The following BCAR1 variants were observed in gnomAD, a reference collection of about 807,000 sequenced individuals.
BCAR1 encodes breast cancer anti-estrogen resistance protein 1.
Under a neutral mutation model 67.6 loss-of-function variants are expected in BCAR1, and 30 were observed. The observed-to-expected ratio is 0.44, with a 90% confidence interval of 0.33 to 0.60. The LOEUF (loss-of-function observed/expected upper bound fraction) is 0.60, where lower values mean the gene tolerates loss of function less well. BCAR1 is among the 20% of genes least tolerant of loss of function. The probability of loss-of-function intolerance (pLI) is 0.02; values close to 1 mark genes in which losing one functional copy is unlikely to be tolerated. For missense variants in BCAR1, 1,313 were observed against 1,222.3 expected, an observed-to-expected ratio of 1.07 and a Z score of -1.11; for synonymous variants, 626 against 556.7, an observed-to-expected ratio of 1.12 and a Z score of -1.75.
rs777258321 is a variant in BCAR1 at position 75,235,779 on chromosome 16, C to T, written c.1120G>A (p.Val374Met). ...CCAGGCCGCCGCAAGCCAGGGGGCA[C>T]GTCGTAGAGGTCAGGAGCCGGGGGC... is the stretch of plus-strand genomic sequence containing the variant. ...VPPPAPDLYD[V>M]PPGLRRPGPG... Residue 374 changes from valine to methionine, a missense_variant, in exon 5 of 7, where the codon GTG becomes ATG. By Grantham distance (21) the Val-to-Met change is conservative. Coordinates refer to ENST00000162330, the MANE Select transcript of BCAR1 (RefSeq NM_014567.5). The T allele has an allele frequency of 9.4e-6, 15 of 1,592,424 alleles. No homozygotes were observed. The highest frequency in any genetic ancestry group is 2.2e-5 in the East Asian group (1 of 44,580).
chr16:75,236,483 G>C (rs1216071853), intron 4 of BCAR1: 2 of 340,748 alleles, frequency 5.9e-6, no homozygotes, highest in Non-Finnish European at 1.1e-5. Flanking sequence ...CTCTGCAGCA[G>C]GTGTGCGACT....
At chr16:75,255,943 A>G (rs964133490), upstream of BCAR1, among the ~76,000 whole-genome samples, 1 of 152,248 alleles carries the variant, frequency 6.6e-6, no homozygotes, top group Admixed American at 6.5e-5. Context: ...GTGAGCCAAG[A>G]TGGTGCCATT....
At position 75,229,411 on chromosome 16, in the gene BCAR1, G is replaced by A; in HGVS notation, c.*100C>T. 7.1e-7 allele frequency: 1 copy of A among 1,416,758 alleles called. No homozygotes were observed. The highest frequency in any genetic ancestry group is 2.8e-5 in the Admixed American group (1 of 36,086). The allele number at this position is 1,416,758 out of a possible 1,614,324, so 87.8% of individuals were successfully genotyped here. On this transcript the variant is annotated 3_prime_UTR_variant, in exon 7 of 7. Transcript: ENST00000162330. ...GCACCAGGACCGACGCAGAGCTGGGGTCCTGTCCCTAAGCCTGTGGCACAG... is the reference window on the plus strand; with the variant it reads ...GCACCAGGACCGACGCAGAGCTGGGATCCTGTCCCTAAGCCTGTGGCACAG...
At position 75,229,948 on chromosome 16, in the gene BCAR1, G is replaced by C. The variant is rs2076836459; in HGVS notation, c.2176C>G (p.Gln726Glu). 2 of 1,600,060 alleles carry C rather than the reference G, an allele frequency of 1.2e-6. No individual in the cohort carries two copies. Among genetic ancestry groups the C allele is most frequent in the Non-Finnish European group, 1.7e-6 (2 of 1,170,746 alleles). Residue 726 changes from glutamine to glutamate, a missense_variant, in exon 7 of 7, where the codon CAA becomes GAA. This residue lies in a region of BCAR1 where 1,272 missense variants were observed against 1,137.5 expected (regional missense o/e 1.12). Transcript: ENST00000162330. ...DHDLANWTPA[Q>E]PLAPGRTGGL... ...CCTGTTCGCCCCGGGGCCAGGGGTT[G>C]GGCTGGCGTCCAGTTGGCCAGGTCG...
At chr16:75,265,914 G>T in intron 1 of BCAR1, 1 of 1,110,646 alleles carries the variant, frequency 9.0e-7, no homozygotes, top group Non-Finnish European at 1.1e-6. Flanking sequence ...GCCGCTCAGA[G>T]GCCCCGCGAG....
intron 5 of BCAR1, 124 bp from the exon 6 acceptor site, chr16:75,234,059 ACGCACACGTGG>A (rs2151398839): frequency 1.2e-6 from 1 of 822,316 alleles, no homozygotes; most frequent in Non-Finnish European, 2.0e-6. Context: ...GCGCACACAC[ACGCACACGTGG>A]ACGCACACAC....
intron 1 of BCAR1, chr16:75,248,399 C>T: frequency 8.4e-7 from 1 of 1,185,856 alleles, no homozygotes; most frequent in Non-Finnish European, 1.1e-6. Context: ...TTGCTTGTCC[C>T]AAAGAGCCTC....
At chr16:75,243,702 G>A (rs142539597) in intron 1 of BCAR1, among the ~76,000 whole-genome samples, 2 of 152,348 alleles carry the variant, frequency 1.3e-5, no homozygotes, top group African/African-American at 2.4e-5. Context: ...CCCTTGCAGA[G>A]CCGGGTACGT....
Position 75,228,411 on chromosome 16 carries a change from T to TC in BCAR1, c.*1099dup, listed in dbSNP as rs1411895149. Reference sequence around the variant, plus strand: ...CAGGGCTGGGAGCAGCACCAGGGGTTCCAAGCACCCTGAAGCTTCCATCTG... The same window carrying TC: ...CAGGGCTGGGAGCAGCACCAGGGGTTCCCAAGCACCCTGAAGCTTCCATCTG... On this transcript the variant is annotated 3_prime_UTR_variant, in exon 7 of 7. Coordinates refer to ENST00000162330, the MANE Select transcript of BCAR1 (RefSeq NM_014567.5). 6.6e-6 allele frequency: 1 copy of TC among 152,226 alleles called. No homozygotes were observed. The highest frequency in any genetic ancestry group is 2.4e-5 in the African/African-American group (1 of 41,418). The allele number at this position is 152,226 out of a possible 1,614,324, so 9.4% of individuals were successfully genotyped here.
intron 6 of BCAR1, among the ~76,000 whole-genome samples, chr16:75,231,545 T>A (rs959205949): frequency 1.3e-5 from 2 of 152,246 alleles, no homozygotes; most frequent in African/African-American, 4.8e-5. Flanking sequence ...CATCAGTAAG[T>A]CTTCATGGAC....
chr16:75,232,056 G>T (rs2076917592), intron 6 of BCAR1, among the ~76,000 whole-genome samples: 1 of 150,536 alleles, frequency 6.6e-6, no homozygotes, highest in African/African-American at 2.5e-5. Context: ...TAATTGTTTT[G>T]TATTTTTAGT....
upstream of BCAR1, among the ~76,000 whole-genome samples, chr16:75,253,061 G>C (rs1459815054): frequency 6.6e-6 from 1 of 152,234 alleles, no homozygotes; most frequent in Non-Finnish European, 1.5e-5. Flanking sequence ...ATGACCCAGA[G>C]TCCTCAGGAG....
chr16:75,253,083 C>T (rs373465697), upstream of BCAR1, among the ~76,000 whole-genome samples: 9 of 152,342 alleles, frequency 5.9e-5, no homozygotes, highest in African/African-American at 2.2e-4. Flanking sequence ...AACAGAACAG[C>T]TAGCCAACAC....
At position 75,235,033 on chromosome 16, in the gene BCAR1, G is replaced by A. The variant is rs1356760412; in HGVS notation, c.1866C>T (p.His622=). Residue 622 remains histidine, a synonymous_variant, in exon 5 of 7, where the codon CAC becomes CAT. Coordinates refer to ENST00000162330, the MANE Select transcript of BCAR1 (RefSeq NM_014567.5). ...TGCTGGTCTTGTCAGTGGGGTTGGG[G>A]TGCAGGGTGCCACCCCCCTCAGGCC... is the stretch of plus-strand genomic sequence containing the variant. ...APGPEGGGTL[H]PNPTDKTSSI... 1.9e-6 allele frequency: 3 copies of A among 1,613,184 alleles called. No homozygotes were observed. Among genetic ancestry groups the A allele is most frequent in the East Asian group, 2.2e-5 (1 of 44,894 alleles).
chr16:75,266,122 C>G (rs1365506424), intron 1 of BCAR1: 1 of 814,728 alleles, frequency 1.2e-6, no homozygotes, highest in Non-Finnish European at 1.5e-6. Context: ...GCGCGGTCTC[C>G]TCCGCTCCTC....
intron 5 of BCAR1, among the ~76,000 whole-genome samples, chr16:75,234,250 T>G (rs1301269877): frequency 2.0e-5 from 3 of 149,468 alleles, no homozygotes; most frequent in Non-Finnish European, 4.4e-5. Context: ...GGCTGGCACA[T>G]GCGGGGACAC....
rs886930011 is a variant in BCAR1, at chr16:75,243,347, A to G, written c.13-257T>C. 4 of 635,048 alleles carry G rather than the reference A, an allele frequency of 6.3e-6. No individual in the cohort carries two copies. In the African/African-American group the frequency reaches 7.3e-5, roughly 12 times the overall value. The allele number at this position is 635,048 out of a possible 1,614,324, so 39.3% of individuals were successfully genotyped here. ...AATCCTCTTGACCACTGTCACCACC[A>G]AAACTCCAGGGATGACCCTCAAGAT... On this transcript the variant is annotated intron_variant, in intron 1 of 6. Coordinates refer to ENST00000162330, the MANE Select transcript of BCAR1 (RefSeq NM_014567.5).
At chr16:75,242,399 C>T (rs1368038572) in intron 2 of BCAR1, 71 bp downstream of exon 2, 21 of 1,332,676 alleles carry the variant, frequency 1.6e-5, no homozygotes, top group Non-Finnish European at 2.0e-5. Flanking sequence ...GTGGCTGGAC[C>T]CTTCTGTGCC....
chr16:75,250,804 A>C lies in BCAR1; in HGVS notation c.12+667T>G, dbSNP rs1045419052. On this transcript the variant is annotated intron_variant, in intron 1 of 6. Transcript: ENST00000162330. ...AACCCGGCCCTGGCCCCCTCCCGCG[A>C]CACTCGCGTGCGGCTAGGACTCCTG... 3.1e-5 allele frequency: 31 copies of C among 985,356 alleles called. No homozygotes were observed. The African/African-American group carries it at 5.4e-4, about 17-fold the overall frequency. The allele number at this position is 985,356 out of a possible 1,614,324, so 61.0% of individuals were successfully genotyped here.
Sources: gnomAD v4.1 joint callset for allele counts (sites outside exome capture counted in the v4.1 genomes callset) on GRCh38, gnomAD v4.1.1 for gene constraint, gnomAD v4.1.1 regional missense constraint, MANE v1.5 for transcripts, NCBI Gene and HGNC (gene_info 2026-07-23, HGNC 2026-07-21) for gene names.